MAGI1: variants seen among roughly 807,000 people sequenced by gnomAD.
MAGI1 encodes membrane associated guanylate kinase, WW and PDZ domain containing 1, also known as membrane-associated guanylate kinase, WW and PDZ domain-containing protein 1.
In MAGI1, 58 loss-of-function variants were observed where a neutral mutation model predicts 139.9. The ratio of observed to expected loss-of-function variants is 0.41; its 90% CI spans 0.34 to 0.52. MAGI1 has a LOEUF of 0.52. Among genes scored for constraint, MAGI1 ranks in the 20% least tolerant of loss-of-function variants. The pLI, the probability that MAGI1 is intolerant of heterozygous loss-of-function variation, is 0.12. For synonymous variants in MAGI1, 812 were observed against 737.9 expected, an observed-to-expected ratio of 1.10 and a Z score of -1.63; for missense variants, 1,874 against 1,901.6, an observed-to-expected ratio of 0.99 and a Z score of 0.27.
At chr3:65,438,609 T>C (rs1431340066) in intron 9 of MAGI1, among the ~76,000 whole-genome samples, 2 of 152,200 alleles carry the variant, frequency 1.3e-5, no homozygotes, top group Admixed American at 1.3e-4. Context: ...ACCTACTCTC[T>C]CTAAATTGTA....
intron 1 of MAGI1, among the ~76,000 whole-genome samples, chr3:65,921,267 A>G (rs903786711): frequency 4.6e-5 from 7 of 152,046 alleles, no homozygotes; most frequent in African/African-American, 1.7e-4. Flanking sequence ...ATTTGAGAAG[A>G]TAAGATTATT....
rs140034035 is a variant in MAGI1 at position 65,796,724 on chromosome 3, T to G, written c.314-174636A>C. Among the ~76,000 whole-genome samples, 3 of 152,364 alleles carry G rather than the reference T, an allele frequency of 2.0e-5. No individual in the cohort carries two copies. In the East Asian group the frequency reaches 5.8e-4, roughly 29 times the overall value. ...AACCAAGGGGTCGGCATATTTCAAC[T>G]ATAATAAGGTGCCGATAGTAAATAC... On this transcript the variant is annotated intron_variant, in intron 1 of 22. Transcript: ENST00000402939.
chr3:65,741,783 T>C (rs2107783979), intron 1 of MAGI1, among the ~76,000 whole-genome samples: 2 of 152,304 alleles, frequency 1.3e-5, no homozygotes, highest in South Asian at 2.1e-4. Context: ...GAATAAAATT[T>C]ATTATACATC....
chr3:65,769,672 T>C (rs1245763962), intron 1 of MAGI1, among the ~76,000 whole-genome samples: 1 of 152,112 alleles, frequency 6.6e-6, no homozygotes, highest in Admixed American at 6.6e-5. Context: ...CATTCCCTAT[T>C]TGACTTTGAT....
chr3:65,538,009 C>G (rs1284967351), intron 2 of MAGI1, among the ~76,000 whole-genome samples: 1 of 152,024 alleles, frequency 6.6e-6, no homozygotes, highest in Non-Finnish European at 1.5e-5. Flanking sequence ...GTGGTGGGTG[C>G]CTGTAATCCC....
intron 1 of MAGI1, among the ~76,000 whole-genome samples, chr3:66,037,395 A>G (rs990683261): frequency 1.3e-5 from 2 of 152,082 alleles, no homozygotes; most frequent in Non-Finnish European, 2.9e-5. Context: ...CCCCCTCCCA[A>G]GTGTATGGCT....
intron 14 of MAGI1, among the ~76,000 whole-genome samples, chr3:65,383,923 G>A (rs1390858639): frequency 5.9e-5 from 9 of 152,138 alleles, no homozygotes; most frequent in Non-Finnish European, 1.3e-4. Flanking sequence ...GCTTTCCTCA[G>A]TATTCTTGCA....
chr3:65,986,870 ATTTT>A (rs57745762), intron 1 of MAGI1, among the ~76,000 whole-genome samples: 1 of 137,450 alleles, frequency 7.3e-6, no homozygotes, highest in Admixed American at 7.4e-5. Flanking sequence ...TAAGGAAGGG[ATTTT>A]TTTTTTTTTT....
At chr3:65,939,253 C>A (rs1416609676) in intron 1 of MAGI1, among the ~76,000 whole-genome samples, 3 of 152,132 alleles carry the variant, frequency 2.0e-5, no homozygotes, top group African/African-American at 7.2e-5. Context: ...GTATCTCCTG[C>A]AGGTTTCCAC....
chr3:65,637,265 A>G (rs990759923), intron 1 of MAGI1, among the ~76,000 whole-genome samples: 6 of 152,116 alleles, frequency 3.9e-5, no homozygotes, highest in African/African-American at 1.4e-4. Flanking sequence ...AAAAAAAAAT[A>G]TTGCAAGCTG....
intron 1 of MAGI1, among the ~76,000 whole-genome samples, chr3:65,914,467 A>G (rs1007878816): frequency 1.3e-5 from 2 of 152,228 alleles, no homozygotes; most frequent in Non-Finnish European, 2.9e-5. Flanking sequence ...CTGAAAAAGT[A>G]GAGAATTATG....
intron 1 of MAGI1, among the ~76,000 whole-genome samples, chr3:65,780,691 T>C (rs1308142221): frequency 6.6e-6 from 1 of 152,182 alleles, no homozygotes; most frequent in African/African-American, 2.4e-5. Flanking sequence ...AAGCCCCCTA[T>C]ACAGTTTATG....
At chr3:65,499,618 G>A (rs1014754390) in intron 2 of MAGI1, among the ~76,000 whole-genome samples, 5 of 151,344 alleles carry the variant, frequency 3.3e-5, no homozygotes, top group South Asian at 2.1e-4. Flanking sequence ...CTGAGACTCC[G>A]TCTCAAAAAA....
chr3:65,659,169 A>G (rs1165960318), intron 1 of MAGI1, among the ~76,000 whole-genome samples: 1 of 152,194 alleles, frequency 6.6e-6, no homozygotes, highest in East Asian at 1.9e-4. Flanking sequence ...CCACTGTGTT[A>G]TGAAGTACAG....
chr3:65,733,942 G>A (rs1010877190), intron 1 of MAGI1, among the ~76,000 whole-genome samples: 1 of 152,128 alleles, frequency 6.6e-6, no homozygotes, highest in Non-Finnish European at 1.5e-5. Flanking sequence ...GTTTAACACC[G>A]AAATTCCTGC....
intron 1 of MAGI1, among the ~76,000 whole-genome samples, chr3:65,923,944 A>G (rs1027538360): frequency 6.6e-6 from 1 of 152,246 alleles, no homozygotes; most frequent in African/African-American, 2.4e-5. Context: ...ATTTTATATT[A>G]AGAGTAATAT....
At chr3:65,935,330 A>G (rs912938297) in intron 1 of MAGI1, among the ~76,000 whole-genome samples, 1 of 152,234 alleles carries the variant, frequency 6.6e-6, no homozygotes, top group Admixed American at 6.5e-5. Context: ...ATGGTTTTGT[A>G]GATTGAATTC....
At chr3:66,010,267 A>G (rs2067259712) in intron 1 of MAGI1, among the ~76,000 whole-genome samples, 1 of 152,066 alleles carries the variant, frequency 6.6e-6, no homozygotes, top group Non-Finnish European at 1.5e-5. Flanking sequence ...AGTATACAGA[A>G]AGTAAGGAGC....
chr3:65,723,299 T>C (rs2033253402), intron 1 of MAGI1, among the ~76,000 whole-genome samples: 1 of 152,130 alleles, frequency 6.6e-6, no homozygotes, highest in Admixed American at 6.5e-5. Context: ...CTTGTGTCCA[T>C]AAGCTTATTG....
Sources: gnomAD v4.1 joint callset for allele counts (sites outside exome capture counted in the v4.1 genomes callset) on GRCh38, gnomAD v4.1.1 for gene constraint, MANE v1.5 for transcripts, NCBI Gene and HGNC (gene_info 2026-07-23, HGNC 2026-07-21) for gene names.